The following KRT85 variants were observed in gnomAD, a reference collection of about 807,000 sequenced individuals.
The protein encoded by KRT85 is keratin 85.
A neutral mutation model predicts 53.7 loss-of-function variants in KRT85; 39 were observed. That is an observed-to-expected ratio of 0.73 (90% CI 0.56 to 0.95). The LOEUF is 0.95. Among genes scored for constraint, KRT85 ranks in the 40% least tolerant of loss-of-function variants. The pLI, the probability that KRT85 is intolerant of heterozygous loss-of-function variation, is 0.00. For missense variants in KRT85, 668 were observed against 686.0 expected (o/e 0.97, Z 0.29); for synonymous variants, 291 against 277.5 (o/e 1.05, Z -0.48).
intron 4 of KRT85, 76 bp from the exon 5 acceptor site, chr12:52,363,486 C>G: frequency 6.5e-7 from 1 of 1,535,900 alleles, no homozygotes; most frequent in Non-Finnish European, 9.0e-7. Flanking sequence ...GGGACAATGT[C>G]CACTTCCCAG....
At chr12:52,363,070 C>G in intron 5 of KRT85, 91 bp from the exon 6 acceptor site, 2 of 1,598,460 alleles carry the variant, frequency 1.3e-6, no homozygotes, top group East Asian at 2.3e-5. Flanking sequence ...GTACGGTGCT[C>G]AGCCTGTGCA....
Position 52,361,062 on chromosome 12 carries a change from A to G in KRT85, c.1331-16T>C. On this transcript the variant is annotated splice_polypyrimidine_tract_variant and intron_variant, in intron 8 of 8. Coordinates refer to ENST00000257901, the MANE Select transcript of KRT85 (RefSeq NM_002283.4). ...CTGCTGACACCTGTGGAGAGAGGAG[A>G]CATGGAGGGGTGAGCAGCTCCCTGC... 6.2e-7 allele frequency: 1 copy of G among 1,602,306 alleles called. No individual in the cohort carries two copies. Among genetic ancestry groups the G allele is most frequent in the Non-Finnish European group, 8.5e-7 (1 of 1,173,552 alleles).
rs756643361 is a variant in KRT85, at chr12:52,365,099, G to A, written c.492C>T (p.Cys164=). 1.6e-5 allele frequency: 26 copies of A among 1,614,148 alleles called. No individual in the cohort carries two copies. The Admixed American group carries it at 2.3e-4, about 14-fold the overall frequency. ...KWQFYQNQRC[C]ESNLEPLFSG... ...TGAACAGTGGCTCCAGGTTGCTCTC[G>A]CAGCAGCGCTGGTTCTGGTAGAACT... Residue 164 remains cysteine, a synonymous_variant, in exon 2 of 9, where the codon TGC becomes TGT. Transcript: ENST00000257901.
Position 52,365,167 on chromosome 12 carries a change from G to T in KRT85, c.424C>A (p.Arg142Ser), listed in dbSNP as rs148274330. The T allele has an allele frequency of 8.7e-6, 14 of 1,613,948 alleles. No homozygotes were observed. In the African/African-American group the frequency reaches 1.6e-4, roughly 18 times the overall value. ...SRFAAFIDKV[R>S]FLEQQNKLLE... ...AGCTTGTTCTGCTGCTCCAGGAAGCGCACCTGCCATTCAGGTGGAAAGAAG... is the reference window on the plus strand; with the variant it reads ...AGCTTGTTCTGCTGCTCCAGGAAGCTCACCTGCCATTCAGGTGGAAAGAAG... Residue 142 changes from arginine to serine, a missense_variant, in exon 2 of 9, where the codon CGC (arginine) becomes AGC (serine). Coordinates refer to ENST00000257901, the MANE Select transcript of KRT85 (RefSeq NM_002283.4).
Position 52,360,984 on chromosome 12 carries a change from G to T in KRT85, c.1393C>A (p.Arg465Ser). The T allele has an allele frequency of 6.2e-7, 1 of 1,613,586 alleles. No individual in the cohort carries two copies. Among genetic ancestry groups the T allele is most frequent in the Non-Finnish European group, 8.5e-7 (1 of 1,179,906 alleles). Residue 465 changes from arginine (R) to serine (S), a missense_variant, in exon 9 of 9, where the codon CGC becomes AGC. By Grantham distance (110) the Arg-to-Ser change is moderately radical. Around this residue, in one of 3 missense-constraint regions of KRT85, gnomAD observed 488 missense variants for 498.1 expected, o/e 0.98. Coordinates refer to ENST00000257901, the MANE Select transcript of KRT85 (RefSeq NM_002283.4). ...GCTGAGGGGCCAGAAGTGATCTGGCGCCCTGGGGTGGTGCTGTAGGAGAGG... is the reference window on the plus strand; with the variant it reads ...GCTGAGGGGCCAGAAGTGATCTGGCTCCCTGGGGTGGTGCTGTAGGAGAGG... ...GGLSYSTTPG[R>S]QITSGPSAIG...
Position 52,363,261 on chromosome 12 carries a change from G to T in KRT85, c.936C>A (p.Ser312=). ...VASRSRAEAE[S]WYRSKCEEMK... ...TGCCACTCACCTTGCTACGGTACCA[G>T]GACTCAGCCTCGGCCCGGCTGCGGC... Residue 312 remains serine, a synonymous_variant, in exon 5 of 9, where the codon TCC becomes TCA. Coordinates refer to ENST00000257901, the MANE Select transcript of KRT85 (RefSeq NM_002283.4). 6.2e-7 allele frequency: 1 copy of T among 1,614,198 alleles called. No individual in the cohort carries two copies. The highest frequency in any genetic ancestry group is 8.5e-7 in the Non-Finnish European group (1 of 1,180,040).
Position 52,360,927 on chromosome 12 carries a change from CA to C in KRT85, c.1449del (p.Asp484ThrfsTer48), listed in dbSNP as rs777754249. The C allele has an allele frequency of 1.1e-5, 17 of 1,612,504 alleles. No individual in the cohort carries two copies. The highest frequency in any genetic ancestry group is 1.3e-5 in the African/African-American group (1 of 74,862). On this transcript the variant is annotated frameshift_variant, in exon 9 of 9. Coordinates refer to ENST00000257901, the MANE Select transcript of KRT85 (RefSeq NM_002283.4). LOFTEE classifies it high-confidence loss of function. ...CGAGGCTGGCAGGGGGCACAGGAGTCAGGGGCCACCACCGTGATGCTGCCGC... is the reference window on the plus strand; with the variant it reads ...CGAGGCTGGCAGGGGGCACAGGAGTCGGGGCCACCACCGTGATGCTGCCGC... Reference protein sequence around the residue: ...AIGGSITVVAPDSCAPCQPRS... With the variant: ...AIGGSITVVAXDSCAPCQPRS...
chr12:52,361,118 G>T, intron 8 of KRT85, 72 bp from the exon 9 acceptor site: 3 of 1,349,816 alleles, frequency 2.2e-6, no homozygotes, highest in Non-Finnish European at 3.1e-6. Flanking sequence ...AGGCCCCAGG[G>T]CACTGCAGGA....
At chr12:52,366,511 C>G (rs1939272955) in intron 1 of KRT85, among the ~76,000 whole-genome samples, 1 of 152,176 alleles carries the variant, frequency 6.6e-6, no homozygotes, top group Non-Finnish European at 1.5e-5. Flanking sequence ...GCCACAAGGT[C>G]TTTTGGTCTC....
Position 52,365,053 on chromosome 12 carries a change from G to A in KRT85, c.538C>T (p.Arg180Trp), listed in dbSNP as rs761415932. The A allele has an allele frequency of 1.6e-4, 263 of 1,613,736 alleles. No individual in the cohort carries two copies. The South Asian group carries it at 1.7e-3, about 10-fold the overall frequency. ...PLFSGYIETLRREAECVEADS... is the reference protein window; with the variant it reads ...PLFSGYIETLWREAECVEADS... ...GCCTCCACGCACTCGGCCTCCCGCC[G>A]CAGAGTCTCGATGTAGCCACTGAAC... The change falls in exon 2 of 9, where the codon CGG (arginine) becomes TGG (tryptophan). Residue 180 changes from arginine (R) to tryptophan (W), a missense_variant. Physicochemically the swap from Arg to Trp is moderately radical, Grantham distance 101. Transcript: ENST00000257901.
chr12:52,364,268 T>G, intron 3 of KRT85, 38 bp downstream of exon 3: 1 of 1,613,844 alleles, frequency 6.2e-7, no homozygotes, highest in Non-Finnish European at 8.5e-7. Context: ...TTTGCACTGA[T>G]GGGCCCCCTC....
chr12:52,366,942 G>T, intron 1 of KRT85, 44 bp downstream of exon 1: 1 of 1,613,914 alleles, frequency 6.2e-7, no homozygotes, highest in Non-Finnish European at 8.5e-7. Flanking sequence ...CCCAAGGGAG[G>T]ACAGGGCTGG....
intron 3 of KRT85, 41 bp downstream of exon 3, chr12:52,364,265 T>C (rs113390419): frequency 0.024 from 38,624 of 1,613,846 alleles, 599 homozygotes; most frequent in Middle Eastern, 0.033. Flanking sequence ...GAGTTTGCAC[T>C]GATGGGCCCC....
rs61740813 is a variant in KRT85 at position 52,364,154 on chromosome 12, A to C, written c.700T>G (p.Cys234Gly). ...AGGTCTGATTTCCGCAGGTAGGCAC[A>C]GTCCACGTCCTGGCCGTGGGACAAA... ...EFVVLKKDVD[C>G]AYLRKSDLEA... Residue 234 changes from cysteine to glycine, a missense_variant, in exon 4 of 9, where the codon TGT (cysteine) becomes GGT (glycine). Cys to Gly is a radical substitution (Grantham distance 159). Around this residue, in one of 3 missense-constraint regions of KRT85, gnomAD observed 488 missense variants for 498.1 expected, o/e 0.98. Coordinates refer to ENST00000257901, the MANE Select transcript of KRT85 (RefSeq NM_002283.4). 2.8e-3 allele frequency: 4,536 copies of C among 1,614,164 alleles called. 131 individuals carry two copies. The African/African-American group carries it at 0.054, about 19-fold the overall frequency.
At chr12:52,365,298 G>GGGGCCTGGGAAT in intron 1 of KRT85, 128 bp from the exon 2 acceptor site, 3 of 1,026,750 alleles carry the variant, frequency 2.9e-6, no homozygotes, top group Non-Finnish European at 4.5e-6. Flanking sequence ...TGCGGCTCAA[G>GGGGCCTGGGAAT]GGGCCCATTC....
Sources: gnomAD v4.1 joint callset for allele counts (sites outside exome capture counted in the v4.1 genomes callset) on GRCh38, gnomAD v4.1.1 for gene constraint, gnomAD v4.1.1 regional missense constraint, MANE v1.5 for transcripts, NCBI Gene and HGNC (gene_info 2026-07-23, HGNC 2026-07-21) for gene names.